PCNX3: variants seen among roughly 807,000 people sequenced by gnomAD.
The protein encoded by PCNX3 is pecanex-like protein 3.
PCNX3 carries 58 observed loss-of-function variants against 207.2 expected under a neutral mutation model. The observed-to-expected ratio is 0.28, with a 90% confidence interval of 0.23 to 0.35. The LOEUF (loss-of-function observed/expected upper bound fraction) is 0.35. PCNX3 is among the 10% of genes least tolerant of loss of function. The pLI is 1.00. For missense variants in PCNX3, 2,410 were observed against 2,774.4 expected, an observed-to-expected ratio of 0.87 and a Z score of 2.95; for synonymous variants, 1,337 against 1,183.5, an observed-to-expected ratio of 1.13 and a Z score of -2.66.
chr11:65,624,878 G>C, intron 15 of PCNX3, 47 bp from the exon 16 acceptor site: 1 of 1,547,042 alleles, frequency 6.5e-7, no homozygotes, highest in Non-Finnish European at 8.8e-7. Context: ...GGTTGAGGTG[G>C]GGTACCTGCA....
chr11:65,621,817 G>A (rs1855119188), intron 10 of PCNX3, among the ~76,000 whole-genome samples: 1 of 152,242 alleles, frequency 6.6e-6, no homozygotes, highest in Non-Finnish European at 1.5e-5. Context: ...ATGTCCTCAA[G>A]GCTGAGCCCT....
At position 65,618,888 on chromosome 11, in the gene PCNX3, C is replaced by T. The variant is rs1475986512; in HGVS notation, c.1526C>T (p.Ala509Val). ...THARVLSMDG[A>V]GGDVLRPPLA... ...GCCCGTGTGCTGAGCATGGATGGGGCTGGGGGTGATGTTCTGAGGCCCCCA... is the reference window on the plus strand; with the variant it reads ...GCCCGTGTGCTGAGCATGGATGGGGTTGGGGGTGATGTTCTGAGGCCCCCA... The change falls in exon 6 of 35, where the codon GCT (alanine) becomes GTT (valine). Residue 509 changes from alanine (A) to valine (V), a missense_variant. Physicochemically the swap from Ala to Val is moderately conservative, Grantham distance 64 (BLOSUM62 0). Around this residue, in one of 8 missense-constraint regions of PCNX3, gnomAD observed 1,104 missense variants for 970.3 expected, o/e 1.14. Coordinates refer to ENST00000355703, the MANE Select transcript of PCNX3 (RefSeq NM_032223.4). 6.2e-7 allele frequency: 1 copy of T among 1,610,086 alleles called. No individual in the cohort carries two copies. Among genetic ancestry groups the T allele is most frequent in the Non-Finnish European group, 8.5e-7 (1 of 1,178,898 alleles).
At chr11:65,626,850 C>G in intron 20 of PCNX3, 54 bp from the exon 21 acceptor site, 3 of 1,555,014 alleles carry the variant, frequency 1.9e-6, no homozygotes, top group East Asian at 2.4e-5. Flanking sequence ...AGGACTTCCT[C>G]AGGGAAGGCA....
rs373735117 is a variant in PCNX3 at position 65,628,704 on chromosome 11, G to A, written c.3811+1G>A. On this transcript the variant is annotated splice_donor_variant, in intron 23 of 34. Coordinates refer to ENST00000355703, the MANE Select transcript of PCNX3 (RefSeq NM_032223.4). LOFTEE classifies it high-confidence loss of function. Reference sequence around the variant, plus strand: ...TTTGCCCAGCCGTTTGCCGTGCCACGTATCCAGCCTGTGTTTGGGTGGGGG... The same window carrying A: ...TTTGCCCAGCCGTTTGCCGTGCCACATATCCAGCCTGTGTTTGGGTGGGGG... 6.7e-5 allele frequency: 104 copies of A among 1,544,092 alleles called. No homozygotes were observed. Among genetic ancestry groups the A allele is most frequent in the Admixed American group, 1.1e-4 (6 of 55,424 alleles).
intron 20 of PCNX3, 189 bp downstream of exon 20, chr11:65,626,243 C>T (rs1476943539): frequency 2.0e-5 from 17 of 829,636 alleles, no homozygotes; most frequent in South Asian, 5.8e-5. Context: ...CTCTTCTCCT[C>T]GTGCCCTGCT....
At chr11:65,626,247 C>T (rs1310338831) in intron 20 of PCNX3, 193 bp downstream of exon 20, 2 of 780,548 alleles carry the variant, frequency 2.6e-6, no homozygotes, top group Non-Finnish European at 2.2e-6. Context: ...TCTCCTCGTG[C>T]CCTGCTGTGC....
At position 65,625,521 on chromosome 11, in the gene PCNX3, G is replaced by C; in HGVS notation, c.3135+11G>C. The C allele has an allele frequency of 1.3e-6, 2 of 1,593,270 alleles. No homozygotes were observed. The highest frequency in any genetic ancestry group is 1.1e-5 in the South Asian group (1 of 90,296). ...ATGCGCCAGTCGGTGGTGAGGGGGC[G>C]GGGGGTGGGGGTCTGTGGGGAGGTG... On this transcript the variant is annotated intron_variant, in intron 18 of 34. Coordinates refer to ENST00000355703, the MANE Select transcript of PCNX3 (RefSeq NM_032223.4). The surrounding 1 kb of genome is among the most constrained non-coding windows in gnomAD (Gnocchi z 5.6).
Position 65,625,045 on chromosome 11 carries a change from G to C in PCNX3, c.2919+29G>C. ...GGGGTGGCTTGCGAGGTGGGGGCAT[G>C]CTGCAGTGCGTAAGGGTGGTTGGGG... On this transcript the variant is annotated intron_variant, in intron 16 of 34. Transcript: ENST00000355703. The surrounding 1 kb of genome is among the most constrained non-coding windows in gnomAD (Gnocchi z 5.6). 1 of 1,598,814 alleles carries C rather than the reference G, an allele frequency of 6.3e-7. No homozygotes were observed. The highest frequency in any genetic ancestry group is 1.1e-5 in the South Asian group (1 of 90,100).
Position 65,635,484 on chromosome 11 carries a change from A to G in PCNX3, c.5184+36A>G. ...CCCCACCTGCCCTAAGCCCTGCCCC[A>G]AACCCCCTTGGGCCGGCCCCCTGAC... On this transcript the variant is annotated intron_variant, in intron 31 of 34. Coordinates refer to ENST00000355703, the MANE Select transcript of PCNX3 (RefSeq NM_032223.4). The surrounding 1 kb of genome is among the most constrained non-coding windows in gnomAD (Gnocchi z 9.9). 6.2e-7 allele frequency: 1 copy of G among 1,606,672 alleles called. No individual in the cohort carries two copies. Among genetic ancestry groups the G allele is most frequent in the East Asian group, 2.2e-5 (1 of 44,790 alleles).
rs1179815012 is a variant in PCNX3 at position 65,616,395 on chromosome 11, C to T, written c.84C>T (p.Ser28=). The T allele has an allele frequency of 6.2e-6, 10 of 1,610,592 alleles. No homozygotes were observed. The highest frequency in any genetic ancestry group is 4.4e-5 in the South Asian group (4 of 90,886). The change falls in exon 1 of 35, where the codon AGC becomes AGT. Residue 28 remains serine, a synonymous_variant. Coordinates refer to ENST00000355703, the MANE Select transcript of PCNX3 (RefSeq NM_032223.4). ...GTTGGTTCTTCGACCCGCACCAGAG[C>T]ACCTTCTCCAACTGCTTCCACCTCT... ...TGGWFFDPHQ[S]TFSNCFHLYV... is the part of the protein sequence containing the mutation.
intron 22 of PCNX3, among the ~76,000 whole-genome samples, chr11:65,628,030 G>A (rs893606009): frequency 1.3e-5 from 2 of 152,182 alleles, no homozygotes; most frequent in Admixed American, 1.3e-4. Flanking sequence ...CGGCTTGGGG[G>A]GCTCTTTGAA....
At position 65,618,159 on chromosome 11, in the gene PCNX3, C is replaced by G. The variant is rs776681558; in HGVS notation, c.797C>G (p.Thr266Ser). ...CAGCCTGACCGGGCCCTGGTGAGGACCAGCAGTCGACGGGAACAACGCAGG... is the reference window on the plus strand; with the variant it reads ...CAGCCTGACCGGGCCCTGGTGAGGAGCAGCAGTCGACGGGAACAACGCAGG... ...LTQPDRALVR[T>S]SSRREQRRGA... Residue 266 changes from threonine (T) to serine (S), a missense_variant, in exon 6 of 35, where the codon ACC (threonine) becomes AGC (serine). By Grantham distance (58) the Thr-to-Ser change is moderately conservative. Transcript: ENST00000355703. The G allele has an allele frequency of 6.2e-7, 1 of 1,608,014 alleles. No homozygotes were observed. Among genetic ancestry groups the G allele is most frequent in the South Asian group, 1.1e-5 (1 of 90,906 alleles).
In PCNX3 at chr11:65,625,300, T is replaced by G; in HGVS notation, c.3029+20T>G. On this transcript the variant is annotated intron_variant, in intron 17 of 34. Coordinates refer to ENST00000355703, the MANE Select transcript of PCNX3 (RefSeq NM_032223.4). This position sits in a 1 kb window ranked among gnomAD's most constrained non-coding sequence, Gnocchi z 5.6. ...GCTCTGGTGGGTGTGCTCCGGGTCG[T>G]GTGTTTGTGTCTGCCCAGTAGGGGT... The G allele has an allele frequency of 1.3e-6, 2 of 1,595,296 alleles. No individual in the cohort carries two copies. The highest frequency in any genetic ancestry group is 1.7e-6 in the Non-Finnish European group (2 of 1,168,802).
At chr11:65,634,856 C>T (rs1855762943) in intron 29 of PCNX3, 117 bp from the exon 30 acceptor site, 2 of 1,395,368 alleles carry the variant, frequency 1.4e-6, no homozygotes, top group Non-Finnish European at 1.9e-6. Context: ...GCCTCTTTGT[C>T]AAGATGGGGA....
chr11:65,625,598 G>A lies in PCNX3; in HGVS notation c.3136-54G>A, dbSNP rs2135445399. Reference sequence around the variant, plus strand: ...GGGCATGTCCAGCTTGGGCTGCTGGGCAGCTGAGTGTCTCTCCTGGCCGGG... The same window carrying A: ...GGGCATGTCCAGCTTGGGCTGCTGGACAGCTGAGTGTCTCTCCTGGCCGGG... On this transcript the variant is annotated intron_variant, in intron 18 of 34. Coordinates refer to ENST00000355703, the MANE Select transcript of PCNX3 (RefSeq NM_032223.4). The surrounding 1 kb of genome is among the most constrained non-coding windows in gnomAD (Gnocchi z 5.6). 1 of 1,596,612 alleles carries A rather than the reference G, an allele frequency of 6.3e-7. No homozygotes were observed. The highest frequency in any genetic ancestry group is 1.1e-5 in the South Asian group (1 of 89,280).
chr11:65,617,433 G>A, intron 3 of PCNX3, 37 bp from the exon 4 acceptor site: 2 of 1,613,910 alleles, frequency 1.2e-6, no homozygotes, highest in Non-Finnish European at 1.7e-6. Context: ...CCTACTTCTT[G>A]CCTTGTTTGT....
At chr11:65,622,676 A>C (rs1855171038) in intron 11 of PCNX3, among the ~76,000 whole-genome samples, 1 of 152,076 alleles carries the variant, frequency 6.6e-6, no homozygotes, top group South Asian at 2.1e-4. Context: ...GCTCACTGCA[A>C]GCTCCGCCTC....
intron 6 of PCNX3, 56 bp downstream of exon 6, chr11:65,619,123 T>C: frequency 7.1e-7 from 1 of 1,414,400 alleles, no homozygotes; most frequent in African/African-American, 1.4e-5. Flanking sequence ...GGCTTGGGGT[T>C]GGGCAAAGGG....
In PCNX3 at chr11:65,630,407, G is replaced by A. The variant is rs1387971602; in HGVS notation, c.4273G>A (p.Glu1425Lys). Residue 1425 changes from glutamate to lysine, a missense_variant, in exon 27 of 35, where the codon GAG becomes AAG. Glu to Lys is a moderately conservative substitution (Grantham distance 56). Coordinates refer to ENST00000355703, the MANE Select transcript of PCNX3 (RefSeq NM_032223.4). Reference sequence around the variant, plus strand: ...TATCACCGAGGGTGTGGAGGAGGACGAGGGCTGTTGCTGCTGTGAACCTGG... The same window carrying A: ...TATCACCGAGGGTGTGGAGGAGGACAAGGGCTGTTGCTGCTGTGAACCTGG... The part of the protein sequence containing the change: ...EAITEGVEED[E>K]GCCCCEPGHL... The A allele has an allele frequency of 2.5e-6, 4 of 1,613,392 alleles. No homozygotes were observed. The highest frequency in any genetic ancestry group is 2.2e-5 in the East Asian group (1 of 44,902).
Sources: gnomAD v4.1 joint callset for allele counts (sites outside exome capture counted in the v4.1 genomes callset) on GRCh38, gnomAD v4.1.1 for gene constraint, gnomAD v4.1.1 regional missense constraint, Gnocchi (gnomAD v3.1) non-coding constraint, MANE v1.5 for transcripts, NCBI Gene and HGNC (gene_info 2026-07-23, HGNC 2026-07-21) for gene names.